Variants in LRP1B observed in about 807,000 individuals in gnomAD.
LRP1B encodes the protein low-density lipoprotein receptor-related protein 1B.
LRP1B carries 217 observed loss-of-function variants against 556.6 expected under a neutral mutation model. That is an observed-to-expected ratio of 0.39 (90% confidence interval 0.35 to 0.44). The LOEUF (loss-of-function observed/expected upper bound fraction) is 0.44, where lower values mean the gene tolerates loss of function less well. Ranked by LOEUF, LRP1B falls within the 20% of genes least tolerant of loss-of-function variation. LRP1B has a pLI of 1.00. For synonymous variants in LRP1B, 2,047 were observed against 1,865.8 expected (o/e 1.10, Z -2.50); for missense variants, 5,053 against 5,620.8 (o/e 0.90, Z 3.23).
At chr2:141,190,090 A>T (rs1413435584) in intron 6 of LRP1B, among the ~76,000 whole-genome samples, 1 of 151,962 alleles carries the variant, frequency 6.6e-6, no homozygotes, top group East Asian at 1.9e-4. Flanking sequence ...GCCTGAGAGA[A>T]CCTGCATATC....
At chr2:141,195,689 A>G (rs1681720754) in intron 6 of LRP1B, among the ~76,000 whole-genome samples, 1 of 152,106 alleles carries the variant, frequency 6.6e-6, no homozygotes, top group Non-Finnish European at 1.5e-5. Flanking sequence ...ATGCTCATAA[A>G]TGAACCCTGA....
chr2:140,293,441 T>G (rs1050684948), intron 84 of LRP1B, among the ~76,000 whole-genome samples: 6 of 152,210 alleles, frequency 3.9e-5, no homozygotes, highest in African/African-American at 1.2e-4. Context: ...CTCTCCTCCC[T>G]GGGCTGCTGC....
chr2:140,266,304 T>C (rs891974495), intron 86 of LRP1B, among the ~76,000 whole-genome samples: 4 of 152,084 alleles, frequency 2.6e-5, no homozygotes, highest in East Asian at 1.9e-4. Flanking sequence ...AAACCACTTA[T>C]AACACTTGTC....
chr2:141,999,438 C>A (rs1702593998), intron 1 of LRP1B, among the ~76,000 whole-genome samples: 1 of 151,880 alleles, frequency 6.6e-6, no homozygotes, highest in Admixed American at 6.6e-5. Flanking sequence ...ATATTAGGAG[C>A]AATGTAAATT....
At chr2:142,067,460 G>A (rs2104904487) in intron 1 of LRP1B, among the ~76,000 whole-genome samples, 1 of 151,442 alleles carries the variant, frequency 6.6e-6, no homozygotes, top group East Asian at 2.0e-4. Flanking sequence ...CTGTCTTTGA[G>A]AGCAGCATGT....
At chr2:141,815,962 G>A (rs990933534) in intron 1 of LRP1B, among the ~76,000 whole-genome samples, 3 of 152,152 alleles carry the variant, frequency 2.0e-5, no homozygotes, top group Non-Finnish European at 2.9e-5. Context: ...TTGCTGTAGC[G>A]TTAGGAAAGG....
chr2:140,298,090 A>G, intron 83 of LRP1B, 121 bp from the exon 84 acceptor site: 1 of 805,224 alleles, frequency 1.2e-6, no homozygotes, highest in Non-Finnish European at 1.9e-6. Flanking sequence ...TCCATGATTT[A>G]CTCTGTGACT....
intron 3 of LRP1B, among the ~76,000 whole-genome samples, chr2:141,455,248 T>TAA (rs201384628): frequency 0.054 from 7,592 of 141,904 alleles, 247 homozygotes; most frequent in South Asian, 0.13. Context: ...TCTTAATCAT[T>TAA]AAAAAAAAAA....
chr2:140,441,352 G>A (rs1686419559), intron 66 of LRP1B, among the ~76,000 whole-genome samples: 1 of 152,066 alleles, frequency 6.6e-6, no homozygotes, highest in Non-Finnish European at 1.5e-5. Flanking sequence ...AAAACTCCCT[G>A]GTAATTGCTA....
At chr2:140,349,177 G>C (rs1573828228) in intron 77 of LRP1B, among the ~76,000 whole-genome samples, 1 of 152,030 alleles carries the variant, frequency 6.6e-6, no homozygotes, top group Admixed American at 6.6e-5. Flanking sequence ...GGGGGTTGGA[G>C]ACCCCTGAAC....
chr2:141,617,169 C>T (rs1308397880), intron 2 of LRP1B, among the ~76,000 whole-genome samples: 4 of 151,994 alleles, frequency 2.6e-5, no homozygotes, highest in South Asian at 2.1e-4. Context: ...AATGTGTGCT[C>T]GTAAAGGCAA....
At chr2:140,780,149 A>T (rs1458920651) in intron 32 of LRP1B, among the ~76,000 whole-genome samples, 1 of 152,158 alleles carries the variant, frequency 6.6e-6, no homozygotes, top group Non-Finnish European at 1.5e-5. Flanking sequence ...CAGCTATAAG[A>T]GATTTGTCCC....
At chr2:141,544,358 CTTCTTCTTCTTCTTCTTCTT>C (rs1685450071) in intron 2 of LRP1B, among the ~76,000 whole-genome samples, 2 of 96,580 alleles carry the variant, frequency 2.1e-5, no homozygotes, top group Non-Finnish European at 4.2e-5. Flanking sequence ...TCTTCTTCTT[CTTCTTCTTCTTCTTCTTCTT>C]CTTCTCCTCC....
At chr2:140,992,157 AAATT>A (rs148100489) in intron 16 of LRP1B, among the ~76,000 whole-genome samples, 5,316 of 152,088 alleles carry the variant, frequency 0.035, 124 homozygotes, top group East Asian at 0.12. Context: ...TAAACATAAA[AAATT>A]AATTATTTAG....
At chr2:140,935,273 G>C (rs1361772975) in intron 20 of LRP1B, among the ~76,000 whole-genome samples, 2 of 151,998 alleles carry the variant, frequency 1.3e-5, no homozygotes, top group South Asian at 4.1e-4. Context: ...AGAAAATGTG[G>C]ATAAAGTCAA....
At chr2:141,248,034 C>T (rs537770884) in intron 4 of LRP1B, among the ~76,000 whole-genome samples, 1 of 152,142 alleles carries the variant, frequency 6.6e-6, no homozygotes, top group African/African-American at 2.4e-5. Flanking sequence ...ATGGTGAGAC[C>T]CTGTCTCTAC....
At chr2:141,476,157 G>C (rs1222048783) in intron 3 of LRP1B, among the ~76,000 whole-genome samples, 1 of 152,168 alleles carries the variant, frequency 6.6e-6, no homozygotes, top group African/African-American at 2.4e-5. Flanking sequence ...GAAGGGGTTT[G>C]AGCCCATGGC....
At chr2:140,520,615 G>T (rs1690121660) in intron 49 of LRP1B, among the ~76,000 whole-genome samples, 1 of 151,290 alleles carries the variant, frequency 6.6e-6, no homozygotes, top group African/African-American at 2.4e-5. Flanking sequence ...TTTTTTTGGT[G>T]CCAGTTTCAT....
chr2:141,726,757 T>C (rs1693053460), intron 2 of LRP1B, among the ~76,000 whole-genome samples: 1 of 152,104 alleles, frequency 6.6e-6, no homozygotes, highest in Non-Finnish European at 1.5e-5. Context: ...ATTATCAGAT[T>C]ACAAGAACAA....
Sources: allele counts gnomAD v4.1 joint callset (sites outside exome capture counted in the v4.1 genomes callset), GRCh38; gene constraint gnomAD v4.1.1; transcripts MANE v1.5; gene names NCBI Gene and HGNC (gene_info 2026-07-23, HGNC 2026-07-21).